The following WASHC5 variants were observed in gnomAD, a reference collection of about 807,000 sequenced individuals.
The protein encoded by WASHC5 is WASH complex subunit strumpellin.
Under a neutral mutation model 150.4 loss-of-function variants are expected in WASHC5, and 101 were observed. The ratio of observed to expected loss-of-function variants is 0.67; its 90% CI spans 0.57 to 0.79. The LOEUF is 0.79. Among genes scored for constraint, WASHC5 ranks in the 30% least tolerant of loss-of-function variants. The pLI is 0.00. For synonymous variants in WASHC5, 467 were observed against 491.2 expected (o/e 0.95, Z 0.65); for missense variants, 1,195 against 1,396.3 (o/e 0.86, Z 2.30).
chr8:125,030,771 A>G (rs1024003574), intron 27 of WASHC5, among the ~76,000 whole-genome samples: 1 of 152,038 alleles, frequency 6.6e-6, no homozygotes, highest in Non-Finnish European at 1.5e-5. Flanking sequence ...GAATCTCAAT[A>G]CAAGTTTGGG....
chr8:125,059,438 C>T lies in WASHC5; in HGVS notation c.1626G>A (p.Glu542=), dbSNP rs749069325. ...HQMIRTINIK[E]EVLITMQIVG... ...CGATCTGCATTGTGATCAGAACCTCCTCTTTAATGTTAATGGTTCTGATCA... is the reference window on the plus strand; with the variant it reads ...CGATCTGCATTGTGATCAGAACCTCTTCTTTAATGTTAATGGTTCTGATCA... Residue 542 remains glutamate (E), a synonymous_variant, in exon 13 of 29, where the codon GAG becomes GAA. Coordinates refer to ENST00000318410, the MANE Select transcript of WASHC5 (RefSeq NM_014846.4). 6.2e-7 allele frequency: 1 copy of T among 1,614,092 alleles called. No individual in the cohort carries two copies. Among genetic ancestry groups the T allele is most frequent in the South Asian group, 1.1e-5 (1 of 91,088 alleles).
chr8:125,051,189 A>G (rs571956741), intron 17 of WASHC5, among the ~76,000 whole-genome samples: 1 of 152,290 alleles, frequency 6.6e-6, no homozygotes, highest in East Asian at 1.9e-4. Context: ...AATTAGGGAG[A>G]TAAAATAAGA....
chr8:125,044,500 G>A (rs1815996700), intron 21 of WASHC5, 36 bp downstream of exon 21: 3 of 1,611,510 alleles, frequency 1.9e-6, no homozygotes, highest in Non-Finnish European at 2.5e-6. Flanking sequence ...CTCCCCCAGG[G>A]TGGCAGAAAA....
At chr8:125,068,533 T>C (rs139142108) in intron 9 of WASHC5, among the ~76,000 whole-genome samples, 134 of 152,362 alleles carry the variant, frequency 8.8e-4, no homozygotes, top group African/African-American at 3.1e-3. Context: ...TTTTGCTTTC[T>C]ATCCTTCCGC....
intron 14 of WASHC5, among the ~76,000 whole-genome samples, chr8:125,058,459 T>C (rs1208198328): frequency 6.6e-6 from 1 of 151,988 alleles, no homozygotes; most frequent in Non-Finnish European, 1.5e-5. Flanking sequence ...CAGGAGACAT[T>C]GAGTAGGCTG....
At chr8:125,042,869 C>G (rs924794593) in intron 23 of WASHC5, among the ~76,000 whole-genome samples, 1 of 152,178 alleles carries the variant, frequency 6.6e-6, no homozygotes, top group African/African-American at 2.4e-5. Flanking sequence ...ACAACAACAA[C>G]AACAACAACC....
chr8:125,067,618 C>T lies in WASHC5; in HGVS notation c.1252G>A (p.Ala418Thr), dbSNP rs1816783439. ...TCTTTGAGTATAAACTCAAATTGTGCAGTATCTAACAGCAGCTGGAAGAGG... is the reference window on the plus strand; with the variant it reads ...TCTTTGAGTATAAACTCAAATTGTGTAGTATCTAACAGCAGCTGGAAGAGG... The part of the protein sequence containing the change: ...RILFQLLLDT[A>T]QFEFILKEMF... Residue 418 changes from alanine (A) to threonine (T), a missense_variant, in exon 10 of 29, where the codon GCA (alanine) becomes ACA (threonine). This residue lies in a region of WASHC5 where 997 missense variants were observed against 1,168.1 expected (regional missense o/e 0.85). Transcript: ENST00000318410. 6.2e-7 allele frequency: 1 copy of T among 1,612,164 alleles called. No homozygotes were observed. The highest frequency in any genetic ancestry group is 8.5e-7 in the Non-Finnish European group (1 of 1,178,526).
chr8:125,081,634 G>T, intron 5 of WASHC5, 27 bp downstream of exon 5: 1 of 1,317,808 alleles, frequency 7.6e-7, no homozygotes, highest in Non-Finnish European at 1.1e-6. Context: ...GCAGCGTTTC[G>T]GAAGTGTAGT....
At chr8:125,078,659 A>C (rs1364678753) in intron 6 of WASHC5, 79 bp downstream of exon 6, 2 of 1,152,284 alleles carry the variant, frequency 1.7e-6, no homozygotes, top group African/African-American at 3.0e-5. Context: ...GAAAGAAGGA[A>C]GGAAAGGAGT....
At position 125,056,817 on chromosome 8, in the gene WASHC5, C is replaced by A. The variant is rs80338867; in HGVS notation, c.1876G>T (p.Val626Phe). 6.2e-7 allele frequency: 1 copy of A among 1,614,098 alleles called. No homozygotes were observed. Among genetic ancestry groups the A allele is most frequent in the Non-Finnish European group, 8.5e-7 (1 of 1,179,996 alleles). Residue 626 changes from valine to phenylalanine, a missense_variant and splice_region_variant, in exon 16 of 29, where the codon GTT becomes TTT. This residue lies in a region of WASHC5 where 997 missense variants were observed against 1,168.1 expected (regional missense o/e 0.85). Transcript: ENST00000318410. Reference protein sequence around the residue: ...SGELVSYVRKVLQIIPESMFT... With the variant: ...SGELVSYVRKFLQIIPESMFT... The stretch of plus-strand genomic sequence containing the variant: ...ATGCTTTCTGGGATGATCTGCAAAA[C>A]CTTCAGTGAAAAGGAAAGCAGGAAA...
intron 20 of WASHC5, among the ~76,000 whole-genome samples, chr8:125,046,773 T>C (rs1410325636): frequency 6.6e-6 from 1 of 152,118 alleles, no homozygotes; most frequent in Admixed American, 6.5e-5. Flanking sequence ...AAGAATCGTT[T>C]TGTGGAGACA....
intron 10 of WASHC5, among the ~76,000 whole-genome samples, chr8:125,067,197 T>C (rs1455854882): frequency 6.6e-6 from 1 of 152,176 alleles, no homozygotes; most frequent in Non-Finnish European, 1.5e-5. Flanking sequence ...GTATTTTTAG[T>C]AGAGATGAGG....
intron 5 of WASHC5, among the ~76,000 whole-genome samples, chr8:125,080,485 T>C (rs939392596): frequency 2.7e-5 from 4 of 149,538 alleles, no homozygotes; most frequent in African/African-American, 1.0e-4. Flanking sequence ...GAGGACACAG[T>C]AGTACCTGGT....
chr8:125,074,216 T>C (rs1420898478), intron 8 of WASHC5, among the ~76,000 whole-genome samples: 1 of 152,220 alleles, frequency 6.6e-6, no homozygotes, highest in African/African-American at 2.4e-5. Flanking sequence ...ATTTTAGCAA[T>C]GAAAAATTAA....
intron 26 of WASHC5, 112 bp from the exon 27 acceptor site, chr8:125,032,506 A>T: frequency 8.2e-7 from 1 of 1,224,278 alleles, no homozygotes; most frequent in Middle Eastern, 2.7e-4. Flanking sequence ...TCGCTGGCAG[A>T]TGATATTTTG....
chr8:125,078,591 C>G (rs1176234856), intron 6 of WASHC5, 147 bp downstream of exon 6: 2 of 645,244 alleles, frequency 3.1e-6, no homozygotes, highest in Non-Finnish European at 5.5e-6. Flanking sequence ...TTTCCTTTAT[C>G]ATCCTGGGGT....
chr8:125,032,192 T>C, intron 27 of WASHC5, 49 bp downstream of exon 27: 1 of 1,604,596 alleles, frequency 6.2e-7, no homozygotes. Context: ...AGGTTTAAGT[T>C]AGGTTTTGTG....
At chr8:125,068,336 C>T (rs761327745) in intron 9 of WASHC5, among the ~76,000 whole-genome samples, 1 of 152,166 alleles carries the variant, frequency 6.6e-6, no homozygotes, top group African/African-American at 2.4e-5. Flanking sequence ...ATGTAAGCAG[C>T]CCCCAATAGA....
At chr8:125,088,501 C>T (rs1304542109) in intron 1 of WASHC5, among the ~76,000 whole-genome samples, 2 of 151,718 alleles carry the variant, frequency 1.3e-5, no homozygotes, top group East Asian at 1.9e-4. Context: ...GATTAGATTT[C>T]GAAAAGACTA....
Sources: gnomAD v4.1 joint callset for allele counts (sites outside exome capture counted in the v4.1 genomes callset) on GRCh38, gnomAD v4.1.1 for gene constraint, gnomAD v4.1.1 regional missense constraint, MANE v1.5 for transcripts, NCBI Gene and HGNC (gene_info 2026-07-23, HGNC 2026-07-21) for gene names.